Variants in TMEM182 observed in about 807,000 individuals in gnomAD.
TMEM182 encodes transmembrane protein 182.
A neutral mutation model predicts 26.8 loss-of-function variants in TMEM182; 20 were observed. The observed-to-expected ratio is 0.75, with a 90% CI of 0.53 to 1.09. The LOEUF (loss-of-function observed/expected upper bound fraction) is 1.09, where lower values mean the gene tolerates loss of function less well. Ranked by LOEUF, TMEM182 falls within the 50% of genes least tolerant of loss-of-function variation. TMEM182 has a pLI of 0.00. For missense variants in TMEM182, 277 were observed against 275.5 expected, an observed-to-expected ratio of 1.01 and a Z score of -0.04; for synonymous variants, 109 against 102.2, an observed-to-expected ratio of 1.07 and a Z score of -0.40.
chr2:102,812,384 TACACACACACACACACACACACAC>T (rs61175945), intron 4 of TMEM182, among the ~76,000 whole-genome samples: 191 of 143,324 alleles, frequency 1.3e-3, no homozygotes, highest in Non-Finnish European at 2.4e-3. Flanking sequence ...TCTACACATG[TACACACACACACACACACACACAC>T]ACACACACAC....
At chr2:102,822,022 T>C (rs530522698), downstream of TMEM182, among the ~76,000 whole-genome samples, 1 of 149,714 alleles carries the variant, frequency 6.7e-6, no homozygotes, top group East Asian at 2.0e-4. Context: ...TTAAGATAAA[T>C]GTTTAAGGAG....
intron 1 of TMEM182, among the ~76,000 whole-genome samples, chr2:102,748,190 A>T (rs1288614169): frequency 6.6e-6 from 1 of 152,246 alleles, no homozygotes; most frequent in Non-Finnish European, 1.5e-5. Context: ...CCAGAAGTGC[A>T]GCTCCAATCT....
chr2:102,738,408 C>A (rs1290847243), intron 1 of TMEM182, among the ~76,000 whole-genome samples: 1 of 152,106 alleles, frequency 6.6e-6, no homozygotes, highest in Non-Finnish European at 1.5e-5. Context: ...TCCTGGCCAA[C>A]ATGGTGAAAC....
chr2:102,834,441 G>A, intron 3 of TMEM182: 18 of 985,296 alleles, frequency 1.8e-5, no homozygotes, highest in Non-Finnish European at 2.2e-5. Flanking sequence ...GAAGTGAAGT[G>A]GAATGTAAAA....
chr2:102,829,239 A>G (rs1032301327), intron 3 of TMEM182, among the ~76,000 whole-genome samples: 2 of 152,168 alleles, frequency 1.3e-5, no homozygotes, highest in South Asian at 2.1e-4. Flanking sequence ...CTTAGGGGAC[A>G]GTCATGTCAC....
intron 3 of TMEM182, among the ~76,000 whole-genome samples, chr2:102,835,925 C>T (rs1683238549): frequency 1.3e-5 from 2 of 149,764 alleles, no homozygotes; most frequent in Middle Eastern, 3.5e-3. Context: ...TCAGTTCCCA[C>T]CTATGAGTGA....
At chr2:102,777,122 CG>C (rs1194821625) in intron 3 of TMEM182, among the ~76,000 whole-genome samples, 1 of 151,680 alleles carries the variant, frequency 6.6e-6, no homozygotes, top group South Asian at 2.1e-4. Context: ...TTAACAGTGT[CG>C]TTCACAGAGC....
At chr2:102,797,000 C>T (rs527382353) in intron 3 of TMEM182, among the ~76,000 whole-genome samples, 1 of 152,210 alleles carries the variant, frequency 6.6e-6, no homozygotes, top group South Asian at 2.1e-4. Context: ...AGCTTTTTAT[C>T]CTTTTGGAAA....
At chr2:102,818,793 A>G (rs572105570), downstream of TMEM182, among the ~76,000 whole-genome samples, 7 of 122,882 alleles carry the variant, frequency 5.7e-5, no homozygotes, top group African/African-American at 2.2e-4. Context: ...TCTAAATTAT[A>G]CAGTTAAATT....
In TMEM182 at chr2:102,815,100, T is replaced by G; in HGVS notation, c.*132T>G. The G allele has an allele frequency of 2.1e-6, 3 of 1,447,506 alleles. No individual in the cohort carries two copies. The highest frequency in any genetic ancestry group is 2.7e-6 in the Non-Finnish European group (3 of 1,108,736). The allele number at this position is 1,447,506 out of a possible 1,614,324, so 89.7% of individuals were successfully genotyped here. On this transcript the variant is annotated 3_prime_UTR_variant, in exon 5 of 5. Coordinates refer to ENST00000412401, the MANE Select transcript of TMEM182 (RefSeq NM_144632.5). The stretch of plus-strand genomic sequence containing the variant: ...TAGTTGCTATTCAAATTAATCATTT[T>G]ACTAAAATTTTCTTCAGTAAGAAGG...
intron 3 of TMEM182, among the ~76,000 whole-genome samples, chr2:102,771,739 G>A (rs369265859): frequency 7.2e-5 from 11 of 152,228 alleles, no homozygotes; most frequent in African/African-American, 2.4e-4. Context: ...CTCCTCTCAC[G>A]CTAGGAACTC....
intron 3 of TMEM182, among the ~76,000 whole-genome samples, chr2:102,776,152 G>A (rs1021364186): frequency 2.6e-5 from 4 of 152,038 alleles, no homozygotes; most frequent in Non-Finnish European, 4.4e-5. Context: ...ATCTTGGTAC[G>A]TTTGTTACAA....
intron 4 of TMEM182, among the ~76,000 whole-genome samples, chr2:102,810,442 T>C (rs1461053593): frequency 2.6e-5 from 4 of 152,222 alleles, no homozygotes; most frequent in Admixed American, 6.5e-5. Context: ...GCAATTGCAT[T>C]CCCAATGGCC....
intron 3 of TMEM182, among the ~76,000 whole-genome samples, chr2:102,837,937 C>G (rs1256182974): frequency 6.6e-6 from 1 of 152,066 alleles, no homozygotes; most frequent in Non-Finnish European, 1.5e-5. Context: ...AACACAGGGC[C>G]CCTTGTTGAA....
At chr2:102,795,417 TA>T (rs1195548250) in intron 3 of TMEM182, among the ~76,000 whole-genome samples, 10 of 152,346 alleles carry the variant, frequency 6.6e-5, no homozygotes, top group Admixed American at 3.3e-4. Context: ...ATTCTCTGGA[TA>T]ATGTTGATTT....
At chr2:102,758,126 C>T (rs1259878418), upstream of TMEM182, among the ~76,000 whole-genome samples, 2 of 152,100 alleles carry the variant, frequency 1.3e-5, no homozygotes, top group East Asian at 3.9e-4. Context: ...GGAATAGATA[C>T]ATAGACTAGC....
At chr2:102,785,057 A>G (rs1681332074) in intron 3 of TMEM182, among the ~76,000 whole-genome samples, 1 of 152,124 alleles carries the variant, frequency 6.6e-6, no homozygotes, top group African/African-American at 2.4e-5. Flanking sequence ...CGACAATATC[A>G]TTTGTATGAA....
At position 102,815,055 on chromosome 2, in the gene TMEM182, A is replaced by T. The variant is rs112070535; in HGVS notation, c.*87A>T. 3 of 1,516,552 alleles carry T rather than the reference A, an allele frequency of 2.0e-6. No individual in the cohort carries two copies. The African/African-American group carries it at 4.2e-5, about 21-fold the overall frequency. 93.9% of individuals were successfully genotyped at this position (1,516,552 alleles called of 1,614,324 possible). A position where few individuals can be genotyped will look rare whatever the true frequency, so the allele number is the denominator to read the frequency against. On this transcript the variant is annotated 3_prime_UTR_variant, in exon 5 of 5. Transcript: ENST00000412401. ...TTTTGTTTCATTGATCCCAGCATAA[A>T]GTTAGTAGATATAACTTTTTAGTTG... is the stretch of plus-strand genomic sequence containing the variant.
chr2:102,794,692 T>A (rs1057109566), intron 3 of TMEM182, among the ~76,000 whole-genome samples: 1 of 152,226 alleles, frequency 6.6e-6, no homozygotes, highest in Non-Finnish European at 1.5e-5. Flanking sequence ...ATGTTTTATG[T>A]AATGATTTTT....
Sources: gnomAD v4.1 joint callset for allele counts (sites outside exome capture counted in the v4.1 genomes callset) on GRCh38, gnomAD v4.1.1 for gene constraint, MANE v1.5 for transcripts, NCBI Gene and HGNC (gene_info 2026-07-23, HGNC 2026-07-21) for gene names.